The following CSNK2A2IP variants were observed in gnomAD, a reference collection of about 807,000 sequenced individuals.
The protein encoded by CSNK2A2IP is casein kinase II subunit alpha'-interacting protein.
chr3:88,456,889 G>T, the CSNK2A2IP span, among the ~76,000 whole-genome samples: 2 of 151,910 alleles, frequency 1.3e-5, 1 homozygote, highest in East Asian at 3.9e-4. Context: ...TCAGGTAATT[G>T]TTGGTCTTTC....
At chr3:88,375,880 T>A in the CSNK2A2IP span, among the ~76,000 whole-genome samples, 2 of 151,652 alleles carry the variant, frequency 1.3e-5, no homozygotes, top group Non-Finnish European at 3.0e-5. Flanking sequence ...CCCTTTCCTA[T>A]CTCTCCAGGC....
chr3:88,449,078 C>T, the CSNK2A2IP span, among the ~76,000 whole-genome samples: 2 of 152,186 alleles, frequency 1.3e-5, no homozygotes, highest in African/African-American at 4.8e-5. Context: ...CTTCCCTTCT[C>T]TCCCTCCCTG....
chr3:88,435,798 T>G, the CSNK2A2IP span, among the ~76,000 whole-genome samples: 1 of 152,084 alleles, frequency 6.6e-6, no homozygotes. Context: ...ATCTGTCTCT[T>G]AAAGATTATA....
chr3:88,373,061 A>G, the CSNK2A2IP span, among the ~76,000 whole-genome samples: 1 of 151,530 alleles, frequency 6.6e-6, no homozygotes, highest in African/African-American at 2.4e-5. Context: ...CTCTTCAGTA[A>G]TTGATAGAAC....
At chr3:88,408,308 T>C in the CSNK2A2IP span, among the ~76,000 whole-genome samples, 2 of 151,296 alleles carry the variant, frequency 1.3e-5, no homozygotes, top group African/African-American at 4.9e-5. Context: ...CTGACAACCC[T>C]CATTTAGTTT....
At chr3:88,426,890 G>GGGC in the CSNK2A2IP span, among the ~76,000 whole-genome samples, 1 of 39,026 alleles carries the variant, frequency 2.6e-5, no homozygotes, top group East Asian at 4.4e-4. Context: ...CACGGGGGAT[G>GGGC]GGGGGGGGCG....
chr3:88,434,613 A>G, the CSNK2A2IP span, among the ~76,000 whole-genome samples: 1 of 152,106 alleles, frequency 6.6e-6, no homozygotes, highest in Non-Finnish European at 1.5e-5. Flanking sequence ...TCCAAACCAA[A>G]CCAAAACAAA....
the CSNK2A2IP span, among the ~76,000 whole-genome samples, chr3:88,396,571 A>G: frequency 6.6e-6 from 1 of 152,172 alleles, no homozygotes; most frequent in Non-Finnish European, 1.5e-5. Flanking sequence ...GAACATGAGA[A>G]ACGACCTGTG....
the CSNK2A2IP span, among the ~76,000 whole-genome samples, chr3:88,347,423 A>C: frequency 6.6e-6 from 1 of 152,026 alleles, no homozygotes; most frequent in Non-Finnish European, 1.5e-5. Context: ...TTATTTAAGG[A>C]ATTGCCAGTC....
the CSNK2A2IP span, chr3:88,467,369 T>A: frequency 9.5e-5 from 38 of 398,506 alleles, no homozygotes; most frequent in Non-Finnish European, 1.3e-4. Context: ...TTCCGTAAGG[T>A]ACTTAGCTAC....
the CSNK2A2IP span, among the ~76,000 whole-genome samples, chr3:88,464,891 A>G: frequency 2.6e-5 from 4 of 152,152 alleles, no homozygotes; most frequent in African/African-American, 9.7e-5. Flanking sequence ...ATATTTGTCT[A>G]TTTTACAGAT....
At chr3:88,439,923 C>CA in the CSNK2A2IP span, among the ~76,000 whole-genome samples, 1 of 152,046 alleles carries the variant, frequency 6.6e-6, no homozygotes, top group Admixed American at 6.6e-5. Flanking sequence ...CTTTATTTTC[C>CA]AAACTGAGAT....
chr3:88,369,064 A>T, the CSNK2A2IP span, among the ~76,000 whole-genome samples: 1 of 151,988 alleles, frequency 6.6e-6, no homozygotes, highest in Non-Finnish European at 1.5e-5. Context: ...GAGACACATA[A>T]CCTTCATGGC....
chr3:88,425,210 T>C, the CSNK2A2IP span, among the ~76,000 whole-genome samples: 1 of 152,102 alleles, frequency 6.6e-6, no homozygotes, highest in East Asian at 1.9e-4. Flanking sequence ...TATTACAATA[T>C]AAATAATAAG....
the CSNK2A2IP span, among the ~76,000 whole-genome samples, chr3:88,361,852 C>G: frequency 5.3e-5 from 8 of 151,652 alleles, no homozygotes; most frequent in Non-Finnish European, 1.2e-4. Context: ...CTCACTAATT[C>G]TTTCTTCTGC....
At chr3:88,449,878 G>T in the CSNK2A2IP span, among the ~76,000 whole-genome samples, 347 of 131,102 alleles carry the variant, frequency 2.6e-3, 1 homozygote, top group African/African-American at 7.8e-3. Flanking sequence ...TATATATAGA[G>T]AGAGAGAGAG....
the CSNK2A2IP span, among the ~76,000 whole-genome samples, chr3:88,457,351 C>T: frequency 6.6e-6 from 1 of 151,744 alleles, no homozygotes; most frequent in Admixed American, 6.6e-5. Flanking sequence ...TAAAATTTGG[C>T]TTACCTTTTT....
the CSNK2A2IP span, among the ~76,000 whole-genome samples, chr3:88,400,282 A>T: frequency 0.1 from 15,964 of 152,094 alleles, 1,005 homozygotes; most frequent in East Asian, 0.22. Flanking sequence ...TGGTGGCCTT[A>T]CTTCTAAAAT....
At chr3:88,441,772 T>C in the CSNK2A2IP span, among the ~76,000 whole-genome samples, 2 of 152,154 alleles carry the variant, frequency 1.3e-5, no homozygotes, top group Non-Finnish European at 2.9e-5. Flanking sequence ...ACTGATTGTT[T>C]ATACATGCAC....
Sources: allele counts gnomAD v4.1 joint callset (sites outside exome capture counted in the v4.1 genomes callset), GRCh38; gene constraint gnomAD v4.1.1; transcripts MANE v1.5; gene names NCBI Gene and HGNC (gene_info 2026-07-23, HGNC 2026-07-21).